Variants in WWTR1 observed in about 807,000 individuals in gnomAD.
The protein encoded by WWTR1 is WW domain containing transcription regulator 1, also known as WW domain-containing transcription regulator protein 1.
WWTR1 carries 13 observed loss-of-function variants against 40.1 expected under a neutral mutation model. The observed-to-expected ratio is 0.32, with a 90% CI of 0.21 to 0.52. The LOEUF (loss-of-function observed/expected upper bound fraction) is 0.52. WWTR1 is among the 20% of genes least tolerant of loss of function. The pLI, the probability that WWTR1 is intolerant of heterozygous loss-of-function variation, is 0.97. For missense variants in WWTR1, 436 were observed against 523.1 expected, an observed-to-expected ratio of 0.83 and a Z score of 1.63; for synonymous variants, 230 against 210.1, an observed-to-expected ratio of 1.09 and a Z score of -0.82.
intron 2 of WWTR1, among the ~76,000 whole-genome samples, chr3:149,590,841 G>A (rs1443253585): frequency 6.6e-6 from 1 of 152,146 alleles, no homozygotes; most frequent in African/African-American, 2.4e-5. Context: ...GAAAAGGGGA[G>A]GTGGACCGTC....
At chr3:149,529,956 G>A (rs1026028069) in intron 4 of WWTR1, among the ~76,000 whole-genome samples, 2 of 152,176 alleles carry the variant, frequency 1.3e-5, no homozygotes, top group African/African-American at 4.8e-5. Flanking sequence ...CTGAATAAAT[G>A]TGGGAGTTTA....
intron 4 of WWTR1, among the ~76,000 whole-genome samples, chr3:149,531,194 C>A (rs534319222): frequency 2.0e-5 from 3 of 152,274 alleles, no homozygotes; most frequent in African/African-American, 7.2e-5. Context: ...CTTGGCCTCC[C>A]AAAGTGCTGG....
chr3:149,636,198 C>G (rs562760778), intron 2 of WWTR1, among the ~76,000 whole-genome samples: 214 of 152,290 alleles, frequency 1.4e-3, no homozygotes, highest in African/African-American at 5.0e-3. Flanking sequence ...TGTTTAAATA[C>G]TTGCTACAAC....
rs1714099484 is a variant in WWTR1, at chr3:149,671,863, T to C, written c.-107-1972A>G. ...ATGTTTGTAATTTTTTTATTTCCTG[T>C]GTTATTATGAAGCTGATTTGTAATA... On this transcript the variant is annotated intron_variant, in intron 1 of 7. Transcript: ENST00000465804. 3.9e-5 allele frequency among the ~76,000 whole-genome samples: 6 copies of C among 152,210 alleles called. 1 individual carries two copies. Among genetic ancestry groups the C allele is most frequent in the Admixed American group, 3.9e-4 (6 of 15,282 alleles).
chr3:149,691,654 T>C (rs1053126767), intron 1 of WWTR1, among the ~76,000 whole-genome samples: 2 of 151,920 alleles, frequency 1.3e-5, no homozygotes, highest in Non-Finnish European at 2.9e-5. Flanking sequence ...AGATCAAAGC[T>C]ATAATAAAAA....
At chr3:149,527,428 T>C (rs544384762) in intron 5 of WWTR1, among the ~76,000 whole-genome samples, 3 of 152,328 alleles carry the variant, frequency 2.0e-5, no homozygotes, top group Non-Finnish European at 4.4e-5. Context: ...ATTATAGGCA[T>C]GAGCCACCAT....
intron 2 of WWTR1, among the ~76,000 whole-genome samples, chr3:149,655,970 GT>G (rs373531538): frequency 9.0e-4 from 137 of 152,284 alleles, no homozygotes; most frequent in African/African-American, 3.2e-3. Context: ...GAAACAAGTG[GT>G]TAGGCTGGCA....
At chr3:149,548,742 G>T (rs1293169250) in intron 3 of WWTR1, among the ~76,000 whole-genome samples, 1 of 152,154 alleles carries the variant, frequency 6.6e-6, no homozygotes, top group African/African-American at 2.4e-5. Flanking sequence ...GCTAGTATGC[G>T]TTTCTTGTTG....
At chr3:149,535,374 G>C (rs746874466) in intron 4 of WWTR1, among the ~76,000 whole-genome samples, 5 of 151,892 alleles carry the variant, frequency 3.3e-5, no homozygotes, top group Non-Finnish European at 5.9e-5. Context: ...GGGGGACGGC[G>C]GGGGGAACAA....
chr3:149,706,161 C>T (rs1280522361), upstream of WWTR1, among the ~76,000 whole-genome samples: 2 of 151,900 alleles, frequency 1.3e-5, no homozygotes, highest in East Asian at 1.9e-4. Context: ...ACACAATATA[C>T]CACTGCAGTC....
At chr3:149,694,126 G>C (rs1467824601) in intron 1 of WWTR1, among the ~76,000 whole-genome samples, 1 of 152,218 alleles carries the variant, frequency 6.6e-6, no homozygotes. Flanking sequence ...GGGCGCGGTG[G>C]CTCACGCCTA....
intron 1 of WWTR1, among the ~76,000 whole-genome samples, chr3:149,686,832 C>T (rs562625268): frequency 3.9e-5 from 6 of 152,284 alleles, no homozygotes; most frequent in African/African-American, 1.4e-4. Context: ...GGTCTCTTCT[C>T]TCATTGCTAT....
intron 1 of WWTR1, among the ~76,000 whole-genome samples, chr3:149,690,318 T>C (rs142334526): frequency 4.6e-5 from 7 of 151,918 alleles, no homozygotes; most frequent in South Asian, 4.2e-4. Context: ...TCAAAAGACA[T>C]AGAGTGGCTG....
At chr3:149,642,303 C>G (rs1712215033) in intron 2 of WWTR1, among the ~76,000 whole-genome samples, 3 of 151,800 alleles carry the variant, frequency 2.0e-5, no homozygotes, top group Non-Finnish European at 4.4e-5. Context: ...GCCTGTAATC[C>G]CAGCTAACTG....
At chr3:149,641,890 C>A (rs778758362) in intron 2 of WWTR1, among the ~76,000 whole-genome samples, 10 of 152,212 alleles carry the variant, frequency 6.6e-5, no homozygotes, top group Non-Finnish European at 1.3e-4. Flanking sequence ...CAAAGCACAG[C>A]CCCTGTCATC....
intron 2 of WWTR1, among the ~76,000 whole-genome samples, chr3:149,593,542 C>G (rs1006823994): frequency 2.6e-5 from 4 of 152,208 alleles, no homozygotes; most frequent in African/African-American, 7.2e-5. Context: ...TCCACTTCGA[C>G]ACTGCTCACC....
chr3:149,630,113 TG>T (rs1711509322), intron 2 of WWTR1, among the ~76,000 whole-genome samples: 1 of 152,178 alleles, frequency 6.6e-6, no homozygotes, highest in South Asian at 2.1e-4. Context: ...CCCAAAGTGC[TG>T]GGATTACAGG....
intron 2 of WWTR1, among the ~76,000 whole-genome samples, chr3:149,603,579 A>G (rs1300895119): frequency 1.4e-5 from 2 of 146,010 alleles, no homozygotes; most frequent in African/African-American, 5.2e-5. Context: ...CTCTAATTAC[A>G]TTCTCCATCC....
intron 2 of WWTR1, among the ~76,000 whole-genome samples, chr3:149,580,671 TGGTGC>T (rs1276834716): frequency 4.6e-5 from 7 of 152,228 alleles, no homozygotes; most frequent in Non-Finnish European, 7.3e-5. Flanking sequence ...TGGAGTGCAA[TGGTGC>T]GATCTCAGCT....
Sources: gnomAD v4.1 joint callset for allele counts (sites outside exome capture counted in the v4.1 genomes callset) on GRCh38, gnomAD v4.1.1 for gene constraint, MANE v1.5 for transcripts, NCBI Gene and HGNC (gene_info 2026-07-23, HGNC 2026-07-21) for gene names.